PCDH15: variants seen among roughly 807,000 people sequenced by gnomAD.
The protein encoded by PCDH15 is protocadherin related 15.
In PCDH15, 129 loss-of-function variants were observed where a neutral mutation model predicts 178.5. That is an observed-to-expected ratio of 0.72 (90% CI 0.63 to 0.84). PCDH15 has a LOEUF of 0.84. Ranked by LOEUF, PCDH15 falls within the 40% of genes least tolerant of loss-of-function variation. The probability of loss-of-function intolerance (pLI) is 0.00; values close to 1 mark genes in which losing one functional copy is unlikely to be tolerated. For synonymous variants in PCDH15, 800 were observed against 732.0 expected, an observed-to-expected ratio of 1.09 and a Z score of -1.50; for missense variants, 2,230 against 2,099.9, an observed-to-expected ratio of 1.06 and a Z score of -1.21.
intron 2 of PCDH15, among the ~76,000 whole-genome samples, chr10:55,063,001 T>C (rs1446305200): frequency 2.0e-5 from 3 of 152,124 alleles, no homozygotes; most frequent in African/African-American, 7.2e-5. Context: ...ATGAAATACA[T>C]ATCATTTTGA....
intron 3 of PCDH15, among the ~76,000 whole-genome samples, chr10:54,427,630 A>T (rs1159193405): frequency 1.3e-5 from 2 of 152,156 alleles, no homozygotes; most frequent in African/African-American, 4.8e-5. Context: ...ATGCAAATAC[A>T]GTGTAGGGTC....
intron 1 of PCDH15, among the ~76,000 whole-genome samples, chr10:55,248,718 T>G (rs929293565): frequency 6.6e-6 from 1 of 151,924 alleles, no homozygotes; most frequent in Non-Finnish European, 1.5e-5. Context: ...CAAAATGCCC[T>G]GTTAATTTTC....
chr10:54,113,197 A>G (rs2095056157), intron 15 of PCDH15, among the ~76,000 whole-genome samples: 1 of 152,212 alleles, frequency 6.6e-6, no homozygotes, highest in African/African-American at 2.4e-5. Context: ...AACAATAACA[A>G]TAGGCATTTG....
intron 7 of PCDH15, among the ~76,000 whole-genome samples, chr10:54,325,895 CAAGA>C (rs1937934983): frequency 6.6e-6 from 1 of 151,860 alleles, no homozygotes; most frequent in Admixed American, 6.6e-5. Context: ...GGTGACAGAG[CAAGA>C]CTGTCTCAAA....
chr10:55,094,521 C>T (rs974862720), intron 2 of PCDH15, among the ~76,000 whole-genome samples: 1 of 151,564 alleles, frequency 6.6e-6, no homozygotes, highest in African/African-American at 2.4e-5. Context: ...TGCACATGTA[C>T]CCTAGAACTT....
At chr10:53,822,156 T>C (rs1283672118) in intron 32 of PCDH15, 1 of 1,614,088 alleles carries the variant, frequency 6.2e-7, no homozygotes, top group East Asian at 2.2e-5. Flanking sequence ...GGACTTAATT[T>C]TCTCGGCAGG....
At chr10:54,905,713 T>C (rs868628022) in intron 2 of PCDH15, among the ~76,000 whole-genome samples, 14 of 152,232 alleles carry the variant, frequency 9.2e-5, no homozygotes, top group Admixed American at 2.6e-4. Flanking sequence ...TTTTCCAATA[T>C]TAATATGAGG....
intron 6 of PCDH15, among the ~76,000 whole-genome samples, chr10:54,329,987 A>T (rs1253397332): frequency 6.6e-6 from 1 of 151,890 alleles, no homozygotes. Flanking sequence ...GTCTTGGAAT[A>T]GTTCTAAATC....
intron 20 of PCDH15, among the ~76,000 whole-genome samples, chr10:54,012,266 C>A (rs539125951): frequency 6.6e-6 from 1 of 152,170 alleles, no homozygotes; most frequent in East Asian, 1.9e-4. Context: ...AAAGAATGGA[C>A]AAAACCCCTG....
At chr10:55,359,808 T>C (rs1345641129) in intron 2 of PCDH15, among the ~76,000 whole-genome samples, 2 of 149,960 alleles carry the variant, frequency 1.3e-5, no homozygotes, top group Non-Finnish European at 3.0e-5. Flanking sequence ...TATTCAGCTT[T>C]TGAAAAGAAG....
At chr10:55,182,765 T>G (rs528081762) in intron 1 of PCDH15, among the ~76,000 whole-genome samples, 1 of 151,986 alleles carries the variant, frequency 6.6e-6, no homozygotes, top group Admixed American at 6.6e-5. Flanking sequence ...TGGGATTTCA[T>G]TGGGAGGAAA....
At chr10:54,714,694 T>A in intron 1 of PCDH15, among the ~76,000 whole-genome samples, 1 of 152,246 alleles carries the variant, frequency 6.6e-6, no homozygotes, top group East Asian at 1.9e-4. Flanking sequence ...AGTTAAGTTC[T>A]TCAAGCCCAT....
chr10:54,839,799 T>C (rs1031996586), intron 3 of PCDH15, among the ~76,000 whole-genome samples: 8 of 151,800 alleles, frequency 5.3e-5, no homozygotes, highest in South Asian at 4.2e-4. Context: ...GGAAACAGCA[T>C]AAGGTTATCA....
intron 8 of PCDH15, among the ~76,000 whole-genome samples, chr10:54,276,700 T>C (rs909418782): frequency 6.6e-6 from 1 of 151,576 alleles, no homozygotes; most frequent in African/African-American, 2.4e-5. Flanking sequence ...TCTAAATGTA[T>C]CAAAACAAAG....
chr10:54,395,634 G>A (rs1438723948), intron 3 of PCDH15, among the ~76,000 whole-genome samples: 1 of 150,130 alleles, frequency 6.7e-6, no homozygotes, highest in Non-Finnish European at 1.5e-5. Context: ...ATGACATTAA[G>A]TTTATACACA....
chr10:54,643,637 G>A (rs553074496), intron 2 of PCDH15, among the ~76,000 whole-genome samples: 1 of 151,562 alleles, frequency 6.6e-6, no homozygotes, highest in East Asian at 1.9e-4. Context: ...ACATACTTTT[G>A]TTCTCTGTTA....
chr10:54,731,324 A>G (rs1162894538), intron 1 of PCDH15, among the ~76,000 whole-genome samples: 1 of 150,862 alleles, frequency 6.6e-6, no homozygotes, highest in Non-Finnish European at 1.5e-5. Flanking sequence ...AGGAATGCAA[A>G]TTAGTGCAAC....
intron 3 of PCDH15, among the ~76,000 whole-genome samples, chr10:54,463,898 AAGAGG>A (rs1342492486): frequency 1.3e-5 from 2 of 152,130 alleles, no homozygotes; most frequent in African/African-American, 4.8e-5. Context: ...AAACACAGAG[AAGAGG>A]ACATTTGAGA....
chr10:54,812,148 CAAG>C (rs1266098450), intron 3 of PCDH15, among the ~76,000 whole-genome samples: 1 of 151,978 alleles, frequency 6.6e-6, no homozygotes, highest in African/African-American at 2.4e-5. Context: ...TCCCAAGTAT[CAAG>C]AAGAATAAGT....
Sources: gnomAD v4.1 joint callset for allele counts (sites outside exome capture counted in the v4.1 genomes callset) on GRCh38, gnomAD v4.1.1 for gene constraint, MANE v1.5 for transcripts, NCBI Gene and HGNC (gene_info 2026-07-23, HGNC 2026-07-21) for gene names.